Variants in SEC23A observed in about 807,000 individuals in gnomAD.
The protein encoded by SEC23A is SEC23 homolog A, COPII component.
A neutral mutation model predicts 103.7 loss-of-function variants in SEC23A; 56 were observed. The observed-to-expected ratio is 0.54, with a 90% CI of 0.44 to 0.67. SEC23A has a LOEUF of 0.67. Among genes scored for constraint, SEC23A ranks in the 30% least tolerant of loss-of-function variants. The probability of loss-of-function intolerance (pLI) is 0.00; values close to 1 mark genes in which losing one functional copy is unlikely to be tolerated. For missense variants in SEC23A, 784 were observed against 936.4 expected (o/e 0.84, Z 2.12); for synonymous variants, 281 against 293.0 (o/e 0.96, Z 0.42).
intron 3 of SEC23A, 158 bp downstream of exon 3, chr14:39,093,028 TA>T: frequency 1.8e-6 from 1 of 557,162 alleles, no homozygotes; most frequent in Non-Finnish European, 3.1e-6. Flanking sequence ...CACGCCCAGC[TA>T]ATTTTTTTTT....
intron 2 of SEC23A, 119 bp from the exon 3 acceptor site, chr14:39,093,363 A>G: frequency 1.3e-6 from 1 of 796,520 alleles, no homozygotes; most frequent in Non-Finnish European, 2.0e-6. Flanking sequence ...ATTGATAGTC[A>G]AAGTAACTTT....
At chr14:39,047,510 C>CA (rs374970367) in intron 15 of SEC23A, 24,412 of 502,752 alleles carry the variant, frequency 0.049, 3 homozygotes, top group South Asian at 0.079. Flanking sequence ...ACAACAACAA[C>CA]AAAAAAAAAA....
At chr14:39,042,575 T>A (rs1487182031) in intron 17 of SEC23A, among the ~76,000 whole-genome samples, 1 of 152,184 alleles carries the variant, frequency 6.6e-6, no homozygotes, top group Non-Finnish European at 1.5e-5. Flanking sequence ...AAAATCCAAT[T>A]GTGTGACAAA....
chr14:39,064,631 GAGCT>G, intron 11 of SEC23A: 1 of 398,856 alleles, frequency 2.5e-6, no homozygotes, highest in Non-Finnish European at 4.7e-6. Context: ...ATACCAATGG[GAGCT>G]GAACTACCTA....
chr14:39,098,822 A>G (rs1295413677), intron 1 of SEC23A, among the ~76,000 whole-genome samples: 15 of 151,736 alleles, frequency 9.9e-5, no homozygotes, highest in Non-Finnish European at 1.5e-5. Context: ...AACAGGGATG[A>G]CTACATTTGA....
At chr14:39,073,570 A>C (rs56103446) in intron 9 of SEC23A, among the ~76,000 whole-genome samples, 12,143 of 147,288 alleles carry the variant, frequency 0.082, 513 homozygotes, top group African/African-American at 0.12. Context: ...CTAGGATTAC[A>C]GTTGGGAGCC....
At chr14:39,095,431 G>T (rs886797379) in intron 2 of SEC23A, among the ~76,000 whole-genome samples, 3 of 151,948 alleles carry the variant, frequency 2.0e-5, no homozygotes, top group African/African-American at 7.3e-5. Context: ...CGAGTAGCTG[G>T]GACTACAGGC....
At chr14:39,045,355 C>A in intron 15 of SEC23A, 31 bp from the exon 16 acceptor site, 1 of 1,556,132 alleles carries the variant, frequency 6.4e-7, no homozygotes, top group African/African-American at 1.4e-5. Context: ...ATAGTTGTTA[C>A]TGATTTTAAT....
At chr14:39,085,631 G>A in intron 7 of SEC23A, 131 bp downstream of exon 7, 1 of 1,082,386 alleles carries the variant, frequency 9.2e-7, no homozygotes, top group South Asian at 1.3e-5. Flanking sequence ...TTGATGCTGA[G>A]TGAGAGAATA....
intron 17 of SEC23A, chr14:39,041,320 C>A (rs550769131): frequency 6.7e-6 from 1 of 150,136 alleles, no homozygotes; most frequent in Admixed American, 6.7e-5. Context: ...TAGCTTTATA[C>A]CTCTGTATAA....
intron 14 of SEC23A, among the ~76,000 whole-genome samples, chr14:39,049,879 G>A (rs1487157648): frequency 2.7e-5 from 4 of 150,852 alleles, no homozygotes; most frequent in Non-Finnish European, 5.9e-5. Context: ...TGCAAGCTCC[G>A]CCTCCCAGGT....
Position 39,032,047 on chromosome 14 carries a change from T to C in SEC23A, c.*1192A>G, listed in dbSNP as rs958541514. The C allele has an allele frequency of 4.6e-5, 7 of 152,656 alleles. No individual in the cohort carries two copies. Among genetic ancestry groups the C allele is most frequent in the African/African-American group, 1.7e-4 (7 of 41,464 alleles). The allele number at this position is 152,656 out of a possible 1,614,324, so 9.5% of individuals were successfully genotyped here. ...ACAATTTTTTCTTAAGTTTCTGCTT[T>C]ACCATCATATGATTGTGTTCATGCA... On this transcript the variant is annotated 3_prime_UTR_variant, in exon 20 of 20. Coordinates refer to ENST00000307712, the MANE Select transcript of SEC23A (RefSeq NM_006364.4).
At chr14:39,048,427 A>C (rs1368952722) in intron 15 of SEC23A, among the ~76,000 whole-genome samples, 1 of 151,582 alleles carries the variant, frequency 6.6e-6, no homozygotes. Flanking sequence ...CAGCCTGGGC[A>C]ACATAGCAGG....
Position 39,085,814 on chromosome 14 carries a change from C to G in SEC23A, c.776G>C (p.Arg259Thr). The G allele has an allele frequency of 6.2e-7, 1 of 1,614,066 alleles. No individual in the cohort carries two copies. ...RDPWPVPQGK[R>T]PLRSSGVALS... is the part of the protein sequence containing the mutation. Reference sequence around the variant, plus strand: ...TGCCACCCCAGAGGAACGCAAAGGTCTCTTTCCCTGTGGTACAGGCCAAGG... The same window carrying G: ...TGCCACCCCAGAGGAACGCAAAGGTGTCTTTCCCTGTGGTACAGGCCAAGG... Residue 259 changes from arginine to threonine, a missense_variant, in exon 7 of 20, where the codon AGA becomes ACA. Arg to Thr is a moderately conservative substitution (Grantham distance 71). Coordinates refer to ENST00000307712, the MANE Select transcript of SEC23A (RefSeq NM_006364.4).
chr14:39,091,373 A>C, intron 5 of SEC23A, 104 bp downstream of exon 5: 1 of 767,180 alleles, frequency 1.3e-6, no homozygotes. Context: ...CAATTATATT[A>C]GTTATTCATA....
chr14:39,060,300 A>C (rs1265764025), intron 13 of SEC23A, among the ~76,000 whole-genome samples: 3 of 152,208 alleles, frequency 2.0e-5, no homozygotes, highest in Non-Finnish European at 4.4e-5. Context: ...ACAGAACAGA[A>C]CACTAAATCT....
At chr14:39,076,193 A>ATT in intron 7 of SEC23A, 100 bp from the exon 8 acceptor site, 2 of 923,092 alleles carry the variant, frequency 2.2e-6, no homozygotes, top group African/African-American at 1.7e-5. Flanking sequence ...AAAAGCATAT[A>ATT]TTTTCTAAGA....
At position 39,063,410 on chromosome 14, in the gene SEC23A, T is replaced by C; in HGVS notation, c.1312A>G (p.Ile438Val). Residue 438 changes from isoleucine to valine, a missense_variant, in exon 12 of 20, where the codon ATA (isoleucine) becomes GTA (valine). By Grantham distance (29) the Ile-to-Val change is conservative. Around this residue, in one of 2 missense-constraint regions of SEC23A, gnomAD observed 683 missense variants for 774.2 expected, o/e 0.88. Transcript: ENST00000307712. Reference protein sequence around the residue: ...SKGPCVSENEIGTGGTCQWKI... With the variant: ...SKGPCVSENEVGTGGTCQWKI... The stretch of plus-strand genomic sequence containing the variant: ...CACTGACATGTGCCACCTGTTCCTA[T>C]CTCCTGTAAAAATAAAATATAGCAT... 2 of 1,593,140 alleles carry C rather than the reference T, an allele frequency of 1.3e-6. No homozygotes were observed. The highest frequency in any genetic ancestry group is 2.2e-5 in the South Asian group (2 of 90,460).
intron 19 of SEC23A, among the ~76,000 whole-genome samples, chr14:39,036,320 CAAAAAAAAAAAAAA>C (rs59018206): frequency 0.029 from 2,051 of 70,034 alleles, 114 homozygotes; most frequent in African/African-American, 0.1. Context: ...GACTCCGTCT[CAAAAAAAAAAAAAA>C]AAAAAAAAAA....
Sources: allele counts gnomAD v4.1 joint callset (sites outside exome capture counted in the v4.1 genomes callset), GRCh38; gene constraint gnomAD v4.1.1; regional missense constraint gnomAD v4.1.1; transcripts MANE v1.5; gene names NCBI Gene and HGNC (gene_info 2026-07-23, HGNC 2026-07-21).